Variants in SDC2 observed in about 807,000 individuals in gnomAD.
SDC2 encodes syndecan 2.
In SDC2, 13 loss-of-function variants were observed where a neutral mutation model predicts 22.2. The ratio of observed to expected loss-of-function variants is 0.59; its 90% CI spans 0.38 to 0.93. The LOEUF is 0.93. Among genes scored for constraint, SDC2 ranks in the 40% least tolerant of loss-of-function variants. The pLI, the probability that SDC2 is intolerant of heterozygous loss-of-function variation, is 0.00. For synonymous variants in SDC2, 94 were observed against 92.8 expected, an observed-to-expected ratio of 1.01 and a Z score of -0.07; for missense variants, 235 against 246.8, an observed-to-expected ratio of 0.95 and a Z score of 0.32.
chr8:96,606,089 A>T (rs1815074305), intron 3 of SDC2, among the ~76,000 whole-genome samples: 1 of 152,148 alleles, frequency 6.6e-6, no homozygotes, highest in African/African-American at 2.4e-5. Context: ...GCTCTCAGGA[A>T]CTTAGGAAGA....
intron 1 of SDC2, among the ~76,000 whole-genome samples, chr8:96,553,092 C>T (rs1300368148): frequency 6.6e-6 from 1 of 152,036 alleles, no homozygotes; most frequent in Admixed American, 6.6e-5. Context: ...TTAGAAAGTG[C>T]CTTTTTTACA....
intron 1 of SDC2, among the ~76,000 whole-genome samples, chr8:96,534,916 G>T (rs2130495777): frequency 6.6e-6 from 1 of 152,118 alleles, no homozygotes; most frequent in East Asian, 1.9e-4. Context: ...TCACTGATGG[G>T]TTAACCTTTT....
At chr8:96,536,793 G>T (rs1026787565) in intron 1 of SDC2, among the ~76,000 whole-genome samples, 1 of 152,160 alleles carries the variant, frequency 6.6e-6, no homozygotes, top group Admixed American at 6.5e-5. Flanking sequence ...GGGAATTCTG[G>T]CCTCTAGGAG....
chr8:96,538,680 T>C (rs1247713180), intron 1 of SDC2: 1 of 152,264 alleles, frequency 6.6e-6, no homozygotes, highest in Non-Finnish European at 1.5e-5. Flanking sequence ...CAGTAACCCA[T>C]GCTCTGATAT....
intron 2 of SDC2, among the ~76,000 whole-genome samples, chr8:96,595,447 G>A (rs1186832714): frequency 2.6e-5 from 4 of 151,332 alleles, no homozygotes; most frequent in African/African-American, 9.7e-5. Flanking sequence ...CAAAATGGGT[G>A]TGAAAAGAGT....
intron 1 of SDC2, among the ~76,000 whole-genome samples, chr8:96,563,462 T>A (rs923995927): frequency 6.6e-5 from 10 of 152,258 alleles, no homozygotes; most frequent in African/African-American, 2.4e-4. Flanking sequence ...AAATATCTTG[T>A]ACTTTTCCAC....
chr8:96,542,873 A>G (rs1813874496), intron 1 of SDC2, among the ~76,000 whole-genome samples: 1 of 152,206 alleles, frequency 6.6e-6, no homozygotes, highest in South Asian at 2.1e-4. Flanking sequence ...AATTATTAAT[A>G]GCTCCCCCTT....
At chr8:96,496,105 C>T (rs955977297) in intron 1 of SDC2, among the ~76,000 whole-genome samples, 4 of 152,172 alleles carry the variant, frequency 2.6e-5, no homozygotes, top group African/African-American at 9.6e-5. Context: ...TTAAGGAGGC[C>T]CTTTTTTTTT....
At chr8:96,500,693 C>T (rs1012279907) in intron 1 of SDC2, among the ~76,000 whole-genome samples, 39 of 148,776 alleles carry the variant, frequency 2.6e-4, no homozygotes, top group African/African-American at 9.2e-4. Context: ...AGTGGAAATG[C>T]ATTAAATTTC....
chr8:96,555,671 G>A (rs754926305), intron 1 of SDC2, among the ~76,000 whole-genome samples: 3 of 152,078 alleles, frequency 2.0e-5, no homozygotes, highest in African/African-American at 4.8e-5. Flanking sequence ...TGTGTAATAC[G>A]TCATGGTTTT....
intron 1 of SDC2, among the ~76,000 whole-genome samples, chr8:96,524,052 TAC>T (rs751445794): frequency 3.3e-5 from 5 of 152,212 alleles, no homozygotes; most frequent in Non-Finnish European, 7.3e-5. Context: ...AGGAATGTTT[TAC>T]AGACAGTGAG....
intron 1 of SDC2, among the ~76,000 whole-genome samples, chr8:96,557,683 A>C (rs1814140942): frequency 6.6e-6 from 1 of 152,090 alleles, no homozygotes; most frequent in Admixed American, 6.5e-5. Context: ...GTAGATGACG[A>C]GTTAGTGGGT....
At position 96,518,429 on chromosome 8, in the gene SDC2, C is replaced by A. The variant is rs1259284087; in HGVS notation, c.60+24098C>A. 2.7e-5 allele frequency among the ~76,000 whole-genome samples: 4 copies of A among 149,622 alleles called. No homozygotes were observed. The East Asian group carries it at 7.9e-4, about 30-fold the overall frequency. ...AGGCTGGAGTGCAGTGGCGCGATCT[C>A]GGCCCACTGCAAGCTCCGCCTCCCA... On this transcript the variant is annotated intron_variant, in intron 1 of 4. Coordinates refer to ENST00000302190, the MANE Select transcript of SDC2 (RefSeq NM_002998.4).
At chr8:96,575,631 A>G (rs1814474971) in intron 1 of SDC2, among the ~76,000 whole-genome samples, 1 of 152,154 alleles carries the variant, frequency 6.6e-6, no homozygotes, top group African/African-American at 2.4e-5. Context: ...GTAGGAGCCA[A>G]GTTCTGAGTT....
At chr8:96,590,835 A>T (rs1814768552) in intron 1 of SDC2, among the ~76,000 whole-genome samples, 2 of 152,146 alleles carry the variant, frequency 1.3e-5, no homozygotes, top group South Asian at 4.1e-4. Context: ...ACAGAGAAAC[A>T]CACTTTTGGC....
At chr8:96,558,972 T>G (rs1466833854) in intron 1 of SDC2, among the ~76,000 whole-genome samples, 3 of 152,192 alleles carry the variant, frequency 2.0e-5, no homozygotes, top group Non-Finnish European at 4.4e-5. Flanking sequence ...TCCAGATTAT[T>G]TCATGGATTG....
chr8:96,521,954 G>T (rs1047628703), intron 1 of SDC2, among the ~76,000 whole-genome samples: 3 of 152,086 alleles, frequency 2.0e-5, no homozygotes, highest in African/African-American at 7.2e-5. Context: ...AAGTACATTT[G>T]GGATGTATTT....
At chr8:96,543,618 A>G (rs1813886553) in intron 1 of SDC2, among the ~76,000 whole-genome samples, 1 of 152,194 alleles carries the variant, frequency 6.6e-6, no homozygotes, top group African/African-American at 2.4e-5. Flanking sequence ...GAAAGTCTAA[A>G]CATAGGGTGC....
Position 96,572,182 on chromosome 8 carries a change from A to G in SDC2, c.61-21298A>G, listed in dbSNP as rs368283843. ...GTCTGGGACAATGAGAGGCAACCCT[A>G]CAGGAGGTGCTGCAGAATGAATTGT... On this transcript the variant is annotated intron_variant, in intron 1 of 4. Coordinates refer to ENST00000302190, the MANE Select transcript of SDC2 (RefSeq NM_002998.4). 2.6e-5 allele frequency among the ~76,000 whole-genome samples: 4 copies of G among 152,274 alleles called. No individual in the cohort carries two copies. The East Asian group carries it at 5.8e-4, about 22-fold the overall frequency.
Sources: gnomAD v4.1 joint callset for allele counts (sites outside exome capture counted in the v4.1 genomes callset) on GRCh38, gnomAD v4.1.1 for gene constraint, MANE v1.5 for transcripts, NCBI Gene and HGNC (gene_info 2026-07-23, HGNC 2026-07-21) for gene names.